KIF4A: variants seen among roughly 807,000 people sequenced by gnomAD.
KIF4A encodes kinesin family member 4A.
A neutral mutation model predicts 105.9 loss-of-function variants in KIF4A; 7 were observed. The ratio of observed to expected loss-of-function variants is 0.07; its 90% CI spans 0.04 to 0.12. The LOEUF is 0.12. KIF4A is among the 10% of genes least tolerant of loss of function. The pLI, the probability that KIF4A is intolerant of heterozygous loss-of-function variation, is 1.00. For missense variants in KIF4A, 558 were observed against 929.2 expected (o/e 0.60, Z 5.19); for synonymous variants, 281 against 331.3 (o/e 0.85, Z 1.65).
rs1270370236 is a variant in KIF4A, at chrX:70,365,831, C to T, written c.1675-8320C>T. Among the ~76,000 whole-genome samples, 3 of 111,624 alleles carry T rather than the reference C, an allele frequency of 2.7e-5. No individual in the cohort carries two copies. In the Admixed American group the frequency reaches 2.9e-4, roughly 11 times the overall value. On this transcript the variant is annotated intron_variant, in intron 15 of 30. Coordinates refer to ENST00000374403, the MANE Select transcript of KIF4A (RefSeq NM_012310.5). ...TCAGAAGCAGCGGTACCAGCTCCTC[C>T]TTCTACCTCTGGTAGAATTCGGCTG...
At chrX:70,376,808 T>C (rs937504521) in intron 18 of KIF4A, among the ~76,000 whole-genome samples, 8 of 111,964 alleles carry the variant, frequency 7.1e-5, no homozygotes, top group Admixed American at 3.8e-4. Context: ...AGCATAAAGA[T>C]TTTTAAGGGT....
intron 15 of KIF4A, among the ~76,000 whole-genome samples, chrX:70,366,405 C>G (rs1391813504): frequency 8.0e-5 from 9 of 111,941 alleles, no homozygotes; most frequent in African/African-American, 2.6e-4. Flanking sequence ...AAATTTCCCT[C>G]TACACACTGC....
rs533537935 is a variant in KIF4A at position 70,375,995 on chromosome X, C to T, written c.1924-105C>T. The T allele has an allele frequency of 1.4e-5, 7 of 491,864 alleles. No individual in the cohort carries two copies. The African/African-American group carries it at 1.4e-4, about 10-fold the overall frequency. The allele number at this position is 491,864 out of a possible 1,213,427, so 40.5% of individuals were successfully genotyped here. On this transcript the variant is annotated intron_variant, in intron 17 of 30. Transcript: ENST00000374403. Reference sequence around the variant, plus strand: ...AATCTGTTGGGGACTGCTTTCCCAGCCTAGTTCTGGCTTTTCTCTCTTCTT... The same window carrying T: ...AATCTGTTGGGGACTGCTTTCCCAGTCTAGTTCTGGCTTTTCTCTCTTCTT...
rs142001359 is a variant in KIF4A at position 70,308,985 on chromosome X, A to C, written c.778+6587A>C. Among the ~76,000 whole-genome samples, 563 of 112,396 alleles carry C rather than the reference A, an allele frequency of 5.0e-3. 7 individuals carry two copies. The highest frequency in any genetic ancestry group is 0.018 in the African/African-American group (546 of 30,938). ...TGTTACATAGGATTCCACGGTATAC[A>C]GTCTACCTTGTTTATTCCTATTTTG... is the stretch of plus-strand genomic sequence containing the variant. On this transcript the variant is annotated intron_variant, in intron 7 of 30. Transcript: ENST00000374403.
intron 7 of KIF4A, among the ~76,000 whole-genome samples, chrX:70,322,249 A>G (rs1216559798): frequency 9.1e-6 from 1 of 110,123 alleles, no homozygotes; most frequent in Non-Finnish European, 1.9e-5. Context: ...TGTATCTCCC[A>G]TTCCACATGT....
At chrX:70,392,700 A>G (rs2086241821) in intron 20 of KIF4A, among the ~76,000 whole-genome samples, 1 of 109,134 alleles carries the variant, frequency 9.2e-6, no homozygotes, top group Admixed American at 9.9e-5. Context: ...CTTTTTCTCA[A>G]TCAGTCCAAC....
At chrX:70,369,520 G>T (rs949711670) in intron 15 of KIF4A, among the ~76,000 whole-genome samples, 3 of 111,839 alleles carry the variant, frequency 2.7e-5, no homozygotes, top group African/African-American at 9.7e-5. Flanking sequence ...AGCCCCTTTG[G>T]ATGACAATTT....
At chrX:70,331,823 G>A (rs1316592770) in intron 9 of KIF4A, among the ~76,000 whole-genome samples, 2 of 112,428 alleles carry the variant, frequency 1.8e-5, no homozygotes, top group African/African-American at 6.5e-5. Flanking sequence ...CAATGGCCTG[G>A]CTGCTGTATA....
At chrX:70,344,994 G>A (rs1460913479) in intron 13 of KIF4A, among the ~76,000 whole-genome samples, 20 of 112,132 alleles carry the variant, frequency 1.8e-4, no homozygotes, top group Admixed American at 2.8e-4. Flanking sequence ...ATCATGAGCA[G>A]TCCAAGATGA....
At chrX:70,347,962 G>A (rs1051495516) in intron 13 of KIF4A, among the ~76,000 whole-genome samples, 9 of 9,136 alleles carry the variant, frequency 9.9e-4, no homozygotes, top group South Asian at 0.026. Flanking sequence ...GCGACAGAGC[G>A]AGACTCCGTC....
At chrX:70,328,359 G>A (rs1166428247) in intron 7 of KIF4A, among the ~76,000 whole-genome samples, 5 of 110,479 alleles carry the variant, frequency 4.5e-5, no homozygotes, top group African/African-American at 1.3e-4. Context: ...AGGGGCAGAA[G>A]GGCAAAAGCA....
At position 70,407,084 on chromosome X, in the gene KIF4A, C is replaced by T. The variant is rs1169372508; in HGVS notation, c.3255+9C>T. 1.7e-6 allele frequency: 2 copies of T among 1,170,412 alleles called. No individual in the cohort carries two copies. The highest frequency in any genetic ancestry group is 6.3e-5 in the East Asian group (2 of 31,550). The stretch of plus-strand genomic sequence containing the variant: ...GGAAGAACATCCAAGGGGTAGGAGC[C>T]AGCTCTTCAACTTTTTTTTTGTTTT... On this transcript the variant is annotated intron_variant, in intron 28 of 30. Transcript: ENST00000374403.
At chrX:70,372,048 C>T (rs1423226612) in intron 15 of KIF4A, among the ~76,000 whole-genome samples, 7 of 104,829 alleles carry the variant, frequency 6.7e-5, no homozygotes, top group African/African-American at 2.4e-4. Flanking sequence ...AGACGATGGG[C>T]GGCCAGGCAG....
chrX:70,309,363 C>T (rs1223621619), intron 7 of KIF4A, among the ~76,000 whole-genome samples: 1 of 111,376 alleles, frequency 9.0e-6, no homozygotes, highest in Non-Finnish European at 1.9e-5. Flanking sequence ...TTTCTTCTTT[C>T]ATGTTGTATT....
intron 10 of KIF4A, among the ~76,000 whole-genome samples, chrX:70,338,518 T>C (rs2085959640): frequency 8.9e-6 from 1 of 112,196 alleles, no homozygotes; most frequent in Admixed American, 9.4e-5. Context: ...ATTGTCTAGA[T>C]AGGCCGTATT....
At chrX:70,365,489 T>G (rs1393864589) in intron 15 of KIF4A, among the ~76,000 whole-genome samples, 6 of 112,271 alleles carry the variant, frequency 5.3e-5, no homozygotes, top group Non-Finnish European at 7.5e-5. Context: ...TTTCTGCATC[T>G]ACTGAGATAA....
chrX:70,343,275 G>A (rs2085979069), intron 11 of KIF4A, among the ~76,000 whole-genome samples: 1 of 111,770 alleles, frequency 8.9e-6, no homozygotes, highest in Admixed American at 9.5e-5. Flanking sequence ...TAGTGTAGGA[G>A]GCAGTTTAAA....
At position 70,329,522 on chromosome X, in the gene KIF4A, GT is replaced by G; in HGVS notation, c.895+2del. On this transcript the variant is annotated splice_donor_variant, in intron 8 of 30. Coordinates refer to ENST00000374403, the MANE Select transcript of KIF4A (RefSeq NM_012310.5). LOFTEE classifies it high-confidence loss of function. Reference sequence around the variant, plus strand: ...TCCAAGTTGACTCGACTGCTTCAAGGTAAGCCCAAAGTGCCTCCAAAAATAA... The same window carrying G: ...TCCAAGTTGACTCGACTGCTTCAAGGAAGCCCAAAGTGCCTCCAAAAATAA... The G allele has an allele frequency of 8.4e-7, 1 of 1,193,982 alleles. No individual in the cohort carries two copies. Among genetic ancestry groups the G allele is most frequent in the Non-Finnish European group, 1.1e-6 (1 of 880,544 alleles).
chrX:70,320,470 C>G (rs1355568790), intron 7 of KIF4A, among the ~76,000 whole-genome samples: 4 of 112,105 alleles, frequency 3.6e-5, no homozygotes, highest in African/African-American at 1.3e-4. Context: ...GGCATATATA[C>G]ACAGTGGAAT....
Sources: allele counts gnomAD v4.1 joint callset (sites outside exome capture counted in the v4.1 genomes callset), GRCh38; gene constraint gnomAD v4.1.1; transcripts MANE v1.5; gene names NCBI Gene and HGNC (gene_info 2026-07-23, HGNC 2026-07-21).